The following PAK5 variants were observed in gnomAD, a reference collection of about 807,000 sequenced individuals.
PAK5 encodes the protein p21 (RAC1) activated kinase 5.
PAK5 carries 16 observed loss-of-function variants against 65.9 expected under a neutral mutation model. The observed-to-expected ratio is 0.24, with a 90% CI of 0.16 to 0.37. The LOEUF is 0.37. PAK5 is among the 10% of genes least tolerant of loss of function. PAK5 has a pLI of 1.00. For missense variants in PAK5, 785 were observed against 903.9 expected, an observed-to-expected ratio of 0.87 and a Z score of 1.69; for synonymous variants, 371 against 354.9, an observed-to-expected ratio of 1.05 and a Z score of -0.51.
At chr20:9,626,709 T>C (rs985242350) in intron 3 of PAK5, among the ~76,000 whole-genome samples, 2 of 152,242 alleles carry the variant, frequency 1.3e-5, no homozygotes, top group African/African-American at 4.8e-5. Flanking sequence ...TCAATTTACA[T>C]GTATTTGTTG....
chr20:9,595,505 C>T lies in PAK5; in HGVS notation c.205-14575G>A, dbSNP rs186861619. 2.6e-3 allele frequency among the ~76,000 whole-genome samples: 392 copies of T among 152,250 alleles called. 1 individual carries two copies. Among genetic ancestry groups the T allele is most frequent in the Middle Eastern group, 0.01 (3 of 294 alleles). The stretch of plus-strand genomic sequence containing the variant: ...AAGCTGCCTTGCCAAATTGAAGCTC[C>T]TCTTCTCTAAGTTATATCTCAGATA... On this transcript the variant is annotated intron_variant, in intron 3 of 9. Coordinates refer to ENST00000353224, the MANE Select transcript of PAK5 (RefSeq NM_177990.4).
chr20:9,556,094 G>A, intron 7 of PAK5, among the ~76,000 whole-genome samples: 1 of 152,176 alleles, frequency 6.6e-6, no homozygotes, highest in East Asian at 1.9e-4. Context: ...ATAAATGGTG[G>A]TTGTTTTAAG....
At chr20:9,742,289 A>G (rs1452558523) in intron 1 of PAK5, among the ~76,000 whole-genome samples, 1 of 152,196 alleles carries the variant, frequency 6.6e-6, no homozygotes, top group Non-Finnish European at 1.5e-5. Flanking sequence ...TAAAAAGTGA[A>G]AGAAAATTGT....
Position 9,629,114 on chromosome 20 carries a change from G to A in PAK5, c.204+15011C>T, listed in dbSNP as rs145641009. On this transcript the variant is annotated intron_variant, in intron 3 of 9. Transcript: ENST00000353224. Reference sequence around the variant, plus strand: ...GCGAAGTGGATTCTTGCCCTGTCAAGCCTCTGGATGGGAAGGCAGTGGGGA... The same window carrying A: ...GCGAAGTGGATTCTTGCCCTGTCAAACCTCTGGATGGGAAGGCAGTGGGGA... Among the ~76,000 whole-genome samples the A allele has an allele frequency of 2.1e-3, 321 of 152,270 alleles. 1 individual carries two copies. The highest frequency in any genetic ancestry group is 7.4e-3 in the African/African-American group (309 of 41,540).
intron 2 of PAK5, among the ~76,000 whole-genome samples, chr20:9,689,715 A>G (rs975915216): frequency 6.6e-6 from 1 of 152,242 alleles, no homozygotes; most frequent in African/African-American, 2.4e-5. Flanking sequence ...CTGATCCTCT[A>G]TATCCATAAT....
chr20:9,780,859 TAA>T (rs981699869), intron 1 of PAK5, among the ~76,000 whole-genome samples: 5 of 152,228 alleles, frequency 3.3e-5, no homozygotes, highest in East Asian at 1.9e-4. Context: ...TAATTATACA[TAA>T]GTTATTATTT....
intron 3 of PAK5, among the ~76,000 whole-genome samples, chr20:9,613,828 T>C (rs1036573934): frequency 1.3e-5 from 2 of 152,120 alleles, no homozygotes; most frequent in African/African-American, 4.8e-5. Context: ...TGGGTCCTAA[T>C]CACAGGTCTA....
intron 3 of PAK5, among the ~76,000 whole-genome samples, chr20:9,614,052 G>A (rs1251595919): frequency 6.6e-5 from 10 of 152,198 alleles, no homozygotes; most frequent in South Asian, 2.1e-4. Flanking sequence ...CTATGAGACT[G>A]GGGATTTAAA....
chr20:9,824,212 T>C (rs1305809801), intron 1 of PAK5, among the ~76,000 whole-genome samples: 3 of 152,184 alleles, frequency 2.0e-5, no homozygotes, highest in East Asian at 3.8e-4. Flanking sequence ...AAAAAATCCC[T>C]GTTGTGTTTC....
intron 5 of PAK5, among the ~76,000 whole-genome samples, chr20:9,564,362 T>C (rs957699261): frequency 6.6e-6 from 1 of 152,132 alleles, no homozygotes; most frequent in Non-Finnish European, 1.5e-5. Context: ...TATCAATAGC[T>C]CCTACACATC....
At chr20:9,637,132 C>CGGGAT (rs780561790) in intron 3 of PAK5, among the ~76,000 whole-genome samples, 3 of 152,108 alleles carry the variant, frequency 2.0e-5, no homozygotes, top group Admixed American at 6.5e-5. Context: ...TCTAGAGTAG[C>CGGGAT]CGGGATGACA....
intron 2 of PAK5, among the ~76,000 whole-genome samples, chr20:9,692,656 G>A (rs538202361): frequency 4.6e-5 from 7 of 152,250 alleles, no homozygotes; most frequent in East Asian, 1.9e-4. Flanking sequence ...TATTCATGAT[G>A]CCTTTTCAAA....
At chr20:9,747,774 A>G (rs2048525823) in intron 1 of PAK5, among the ~76,000 whole-genome samples, 1 of 151,368 alleles carries the variant, frequency 6.6e-6, no homozygotes, top group Non-Finnish European at 1.5e-5. Flanking sequence ...GAAAACTGGC[A>G]CAAGACAGGG....
chr20:9,736,362 A>C (rs555380559), intron 1 of PAK5, among the ~76,000 whole-genome samples: 1 of 152,330 alleles, frequency 6.6e-6, no homozygotes, highest in East Asian at 1.9e-4. Context: ...ATTTGAAGAT[A>C]TAATGGTTGA....
intron 2 of PAK5, among the ~76,000 whole-genome samples, chr20:9,660,130 C>T (rs1405303002): frequency 6.6e-6 from 1 of 151,988 alleles, no homozygotes; most frequent in Non-Finnish European, 1.5e-5. Flanking sequence ...TACAGCCTGC[C>T]ACCTGAGGCT....
intron 6 of PAK5, among the ~76,000 whole-genome samples, chr20:9,562,573 A>G (rs959909455): frequency 6.6e-6 from 1 of 152,212 alleles, no homozygotes; most frequent in African/African-American, 2.4e-5. Context: ...ACTCAGGAGA[A>G]TGAAATTCAG....
At chr20:9,807,544 G>A (rs1010874682) in intron 1 of PAK5, among the ~76,000 whole-genome samples, 2 of 152,032 alleles carry the variant, frequency 1.3e-5, no homozygotes, top group African/African-American at 4.8e-5. Context: ...ACATGAACAA[G>A]AAAATTGAAA....
intron 1 of PAK5, among the ~76,000 whole-genome samples, chr20:9,721,569 C>T (rs11087850): frequency 0.24 from 35,250 of 145,614 alleles, 4,555 homozygotes; most frequent in East Asian, 0.39. Context: ...AGGAAAATCG[C>T]TTGAACCCGG....
intron 4 of PAK5, among the ~76,000 whole-genome samples, chr20:9,573,520 AT>A (rs2045829436): frequency 6.6e-6 from 1 of 152,232 alleles, no homozygotes; most frequent in Non-Finnish European, 1.5e-5. Context: ...TTAAATGCAC[AT>A]TAATCTGAAT....
Sources: allele counts gnomAD v4.1 joint callset (sites outside exome capture counted in the v4.1 genomes callset), GRCh38; gene constraint gnomAD v4.1.1; transcripts MANE v1.5; gene names NCBI Gene and HGNC (gene_info 2026-07-23, HGNC 2026-07-21).